Variants in TRIO observed in about 807,000 individuals in gnomAD.
TRIO encodes the protein triple functional domain protein.
TRIO carries 58 observed loss-of-function variants against 351.9 expected under a neutral mutation model. That is an observed-to-expected ratio of 0.16 (90% CI 0.13 to 0.21). The LOEUF (loss-of-function observed/expected upper bound fraction) is 0.21. Among genes scored for constraint, TRIO ranks in the 10% least tolerant of loss-of-function variants. The pLI, the probability that TRIO is intolerant of heterozygous loss-of-function variation, is 1.00. For missense variants in TRIO, 3,201 were observed against 4,027.8 expected (o/e 0.79, Z 5.56); for synonymous variants, 1,758 against 1,595.7 (o/e 1.10, Z -2.42).
intron 1 of TRIO, among the ~76,000 whole-genome samples, chr5:14,264,886 T>A (rs754342876): frequency 6.6e-6 from 1 of 152,220 alleles, no homozygotes; most frequent in Non-Finnish European, 1.5e-5. Flanking sequence ...CTTCTCTTTG[T>A]GTGCAGGCGT....
chr5:14,398,248 G>T (rs566202404), intron 29 of TRIO, among the ~76,000 whole-genome samples: 1 of 152,302 alleles, frequency 6.6e-6, no homozygotes, highest in South Asian at 2.1e-4. Context: ...TCATAACCAG[G>T]TGATAAAGCA....
chr5:14,475,044 C>T (rs1754957934), intron 40 of TRIO, among the ~76,000 whole-genome samples: 1 of 152,200 alleles, frequency 6.6e-6, no homozygotes, highest in Non-Finnish European at 1.5e-5. Flanking sequence ...ACTACATTCC[C>T]CACACCTATC....
At chr5:14,238,768 G>A (rs1211111649) in intron 1 of TRIO, among the ~76,000 whole-genome samples, 1 of 152,190 alleles carries the variant, frequency 6.6e-6, no homozygotes, top group Non-Finnish European at 1.5e-5. Context: ...CTGGTGGGGG[G>A]TGCAACTAAA....
chr5:14,228,065 C>T (rs1793162700), intron 1 of TRIO, among the ~76,000 whole-genome samples: 1 of 152,048 alleles, frequency 6.6e-6, no homozygotes, highest in Non-Finnish European at 1.5e-5. Flanking sequence ...GAGAGGAGGC[C>T]AGGGAGCTGG....
At chr5:14,259,607 G>T (rs560623491) in intron 1 of TRIO, among the ~76,000 whole-genome samples, 12 of 152,266 alleles carry the variant, frequency 7.9e-5, no homozygotes, top group Admixed American at 2.0e-4. Flanking sequence ...AAAAGCCAGT[G>T]GTTGCCAGCA....
Position 14,487,535 on chromosome 5 carries a change from G to A in TRIO, c.6907G>A (p.Gly2303Ser). 9.5e-7 allele frequency: 1 copy of A among 1,056,382 alleles called. No individual in the cohort carries two copies. The highest frequency in any genetic ancestry group is 1.2e-6 in the Non-Finnish European group (1 of 867,358). The allele number at this position is 1,056,382 out of a possible 1,614,324, so 65.4% of individuals were successfully genotyped here. The part of the protein sequence containing the change: ...GGGGGGSGGS[G>S]GGGGSGGGGA... ...CGGCGGCGGCGGCAGCGGGGGCAGC[G>A]GCGGGGGTGGGGGCAGCGGCGGCGG... is the stretch of plus-strand genomic sequence containing the variant. The change falls in exon 48 of 57, where the codon GGC becomes AGC. Residue 2303 changes from glycine (G) to serine (S), a missense_variant. Around this residue, in one of 19 missense-constraint regions of TRIO, gnomAD observed 1,089 missense variants for 954.9 expected, o/e 1.14. Transcript: ENST00000344204.
chr5:14,501,332 G>A lies in TRIO; in HGVS notation c.8333-1247G>A, dbSNP rs192117004. 2.8e-3 allele frequency among the ~76,000 whole-genome samples: 421 copies of A among 152,266 alleles called. 1 individual carries two copies. The highest frequency in any genetic ancestry group is 9.1e-3 in the African/African-American group (378 of 41,554). On this transcript the variant is annotated intron_variant, in intron 53 of 56. Coordinates refer to ENST00000344204, the MANE Select transcript of TRIO (RefSeq NM_007118.4). Reference sequence around the variant, plus strand: ...ACAAAAAAAGACTGCAGAACAAAACGTAGCCTTTGGTTTAAGTGATTGACG... The same window carrying A: ...ACAAAAAAAGACTGCAGAACAAAACATAGCCTTTGGTTTAAGTGATTGACG...
In TRIO at chr5:14,503,721, C is replaced by T. The variant is rs563408910; in HGVS notation, c.8412-672C>T. ...CTGATTCAAGGGGACGAATAGCCCC[C>T]GCCTCCGAGTGACAGAAGTAGCAAA... is the stretch of plus-strand genomic sequence containing the variant. On this transcript the variant is annotated intron_variant, in intron 54 of 56. Transcript: ENST00000344204. Among the ~76,000 whole-genome samples the T allele has an allele frequency of 2.2e-4, 33 of 152,346 alleles. No individual in the cohort carries two copies. In the South Asian group the frequency reaches 6.4e-3, roughly 30 times the overall value.
At chr5:14,152,504 G>A (rs1787899443) in intron 1 of TRIO, among the ~76,000 whole-genome samples, 1 of 152,116 alleles carries the variant, frequency 6.6e-6, no homozygotes, top group Admixed American at 6.6e-5. Flanking sequence ...CAAGTAGCTG[G>A]GATTACAGGC....
chr5:14,289,709 G>C (rs892081523), intron 4 of TRIO, among the ~76,000 whole-genome samples: 1 of 151,964 alleles, frequency 6.6e-6, no homozygotes, highest in South Asian at 2.1e-4. Flanking sequence ...AATTAGCCTG[G>C]TGTGGTGGTG....
chr5:14,507,100 T>C, intron 55 of TRIO, 22 bp from the exon 56 acceptor site: 1 of 1,558,768 alleles, frequency 6.4e-7, no homozygotes, highest in Non-Finnish European at 8.7e-7. Context: ...ATCATAACAG[T>C]CACCCGCTCC....
At chr5:14,506,699 T>C (rs887818763) in intron 55 of TRIO, among the ~76,000 whole-genome samples, 4 of 152,234 alleles carry the variant, frequency 2.6e-5, no homozygotes, top group Admixed American at 1.3e-4. Flanking sequence ...CTGCCCAGCC[T>C]GTGGTTACAT....
intron 11 of TRIO, among the ~76,000 whole-genome samples, chr5:14,350,934 T>C (rs1442336656): frequency 6.6e-6 from 1 of 152,084 alleles, no homozygotes; most frequent in Non-Finnish European, 1.5e-5. Context: ...TTAGTTAGAT[T>C]CTCATCCCGT....
chr5:14,290,217 T>G (rs1424652499), intron 4 of TRIO, among the ~76,000 whole-genome samples: 1 of 152,168 alleles, frequency 6.6e-6, no homozygotes, highest in African/African-American at 2.4e-5. Context: ...AGAGTGATGT[T>G]ACACTTAAAA....
At chr5:14,438,466 G>A (rs1245202244) in intron 34 of TRIO, among the ~76,000 whole-genome samples, 1 of 152,110 alleles carries the variant, frequency 6.6e-6, no homozygotes, top group Non-Finnish European at 1.5e-5. Flanking sequence ...ACATCACATT[G>A]TCGCTTCTGT....
intron 48 of TRIO, chr5:14,489,079 T>G (rs763445786): frequency 1.3e-6 from 1 of 765,218 alleles, no homozygotes; most frequent in Non-Finnish European, 2.4e-6. Context: ...CGTGAGTGAA[T>G]AGAACTGTTC....
chr5:14,331,140 G>A (rs977256917), intron 10 of TRIO, among the ~76,000 whole-genome samples: 2 of 152,220 alleles, frequency 1.3e-5, no homozygotes, highest in Non-Finnish European at 2.9e-5. Context: ...GGGTGTTTTT[G>A]TCTTGTTTAT....
chr5:14,371,895 G>A (rs1745144149), intron 18 of TRIO, among the ~76,000 whole-genome samples: 1 of 151,984 alleles, frequency 6.6e-6, no homozygotes, highest in Non-Finnish European at 1.5e-5. Flanking sequence ...TCCCACCTTG[G>A]CCTCCCAAAA....
chr5:14,492,959 G>A (rs1049960655), intron 49 of TRIO, 145 bp downstream of exon 49: 1 of 1,287,940 alleles, frequency 7.8e-7, no homozygotes, highest in African/African-American at 1.5e-5. Flanking sequence ...CTGAGCACGT[G>A]GGAAGATGGG....
Sources: allele counts gnomAD v4.1 joint callset (sites outside exome capture counted in the v4.1 genomes callset), GRCh38; gene constraint gnomAD v4.1.1; regional missense constraint gnomAD v4.1.1; transcripts MANE v1.5; gene names NCBI Gene and HGNC (gene_info 2026-07-23, HGNC 2026-07-21).